Variants in NRDC observed in about 807,000 individuals in gnomAD.
NRDC encodes nardilysin convertase, also known as nardilysin.
Under a neutral mutation model 147.1 loss-of-function variants are expected in NRDC, and 54 were observed. That is an observed-to-expected ratio of 0.37 (90% CI 0.29 to 0.46). The LOEUF (loss-of-function observed/expected upper bound fraction) is 0.46. Ranked by LOEUF, NRDC falls within the 20% of genes least tolerant of loss-of-function variation. The pLI, the probability that NRDC is intolerant of heterozygous loss-of-function variation, is 1.00. For missense variants in NRDC, 1,082 were observed against 1,370.6 expected (o/e 0.79, Z 3.33); for synonymous variants, 440 against 482.1 (o/e 0.91, Z 1.14).
intron 1 of NRDC, among the ~76,000 whole-genome samples, chr1:51,855,706 C>CA (rs1460277854): frequency 6.6e-6 from 1 of 151,828 alleles, no homozygotes; most frequent in Admixed American, 6.6e-5. Context: ...CCTGTCTCTA[C>CA]AAAAAATACA....
At chr1:51,811,907 C>A (rs547307797) in intron 15 of NRDC, 87 bp downstream of exon 15, 2 of 806,430 alleles carry the variant, frequency 2.5e-6, no homozygotes, top group South Asian at 1.9e-5. Context: ...AAGTTTTCTT[C>A]GTTCCCATGG....
chr1:51,825,361 G>A lies in NRDC; in HGVS notation c.962C>T (p.Ser321Phe), dbSNP rs1368175435. 6.3e-7 allele frequency: 1 copy of A among 1,590,800 alleles called. No individual in the cohort carries two copies. The highest frequency in any genetic ancestry group is 1.2e-5 in the South Asian group (1 of 86,640). The change falls in exon 6 of 31, where the codon TCT (serine) becomes TTT (phenylalanine). Residue 321 changes from serine to phenylalanine, a missense_variant. Ser to Phe is a radical substitution (Grantham distance 155). Transcript: ENST00000352171. The part of the protein sequence containing the change: ...VDSEYQLARP[S>F]DANRKEMLFG... ...CAACATTTCCTTTCTGTTTGCATCAGAAGGCCTTGCAAGTTGATATTCTGT... is the reference window on the plus strand; with the variant it reads ...CAACATTTCCTTTCTGTTTGCATCAAAAGGCCTTGCAAGTTGATATTCTGT...
At chr1:51,820,393 C>T (rs1353639782) in intron 8 of NRDC, among the ~76,000 whole-genome samples, 2 of 151,952 alleles carry the variant, frequency 1.3e-5, no homozygotes, top group African/African-American at 4.8e-5. Flanking sequence ...GTATTAAATG[C>T]CTCAAAGAAT....
chr1:51,874,868 C>T (rs1011367146), intron 1 of NRDC, among the ~76,000 whole-genome samples: 11 of 152,122 alleles, frequency 7.2e-5, no homozygotes, highest in South Asian at 2.1e-4. Context: ...AGTAAAATTC[C>T]GCAGGCTATT....
chr1:51,873,152 G>A (rs114337846), intron 1 of NRDC, among the ~76,000 whole-genome samples: 4,378 of 151,968 alleles, frequency 0.029, 98 homozygotes, highest in South Asian at 0.1. Flanking sequence ...ATAAACCTAT[G>A]TTCTTCCCAT....
chr1:51,846,004 C>T (rs923723792), intron 1 of NRDC, among the ~76,000 whole-genome samples: 2 of 151,732 alleles, frequency 1.3e-5, no homozygotes, highest in Admixed American at 6.6e-5. Flanking sequence ...CCATTAAATG[C>T]ATATAAAGTT....
At chr1:51,803,687 C>T (rs775935709) in intron 20 of NRDC, 127 bp downstream of exon 20, 132 of 693,364 alleles carry the variant, frequency 1.9e-4, no homozygotes, top group Middle Eastern at 1.2e-3. Context: ...TGTCATCAGC[C>T]AAGAATATTC....
At chr1:51,793,551 CAA>C (rs1237969715) in intron 24 of NRDC, among the ~76,000 whole-genome samples, 4 of 152,308 alleles carry the variant, frequency 2.6e-5, no homozygotes, top group Middle Eastern at 3.4e-3. Flanking sequence ...ACTTCACTAA[CAA>C]GAGATGACCG....
intron 1 of NRDC, among the ~76,000 whole-genome samples, chr1:51,863,208 C>T (rs1471210054): frequency 6.6e-6 from 1 of 151,904 alleles, no homozygotes; most frequent in Non-Finnish European, 1.5e-5. Flanking sequence ...TCAAGACCAG[C>T]CTAGACAACA....
chr1:51,799,714 A>G (rs1679098311), intron 21 of NRDC, among the ~76,000 whole-genome samples: 1 of 152,206 alleles, frequency 6.6e-6, no homozygotes, highest in African/African-American at 2.4e-5. Context: ...GATTCACGCA[A>G]AAGTATCCTA....
At chr1:51,877,293 G>A (rs984512856) in intron 1 of NRDC, among the ~76,000 whole-genome samples, 8 of 152,166 alleles carry the variant, frequency 5.3e-5, no homozygotes, top group African/African-American at 1.9e-4. Flanking sequence ...AGAGCAAGAA[G>A]CAAACTCTTT....
chr1:51,840,284 T>A lies in NRDC; in HGVS notation c.572A>T (p.Asn191Ile), dbSNP rs921058082. 1 of 1,604,642 alleles carries A rather than the reference T, an allele frequency of 6.2e-7. No individual in the cohort carries two copies. Among genetic ancestry groups the A allele is most frequent in the African/African-American group, 1.3e-5 (1 of 74,848 alleles). Residue 191 changes from asparagine to isoleucine, a missense_variant, in exon 2 of 31, where the codon AAT (asparagine) becomes ATT (isoleucine). Transcript: ENST00000352171. ...EHDDDLDTED[N>I]ELEELEERAE... The stretch of plus-strand genomic sequence containing the variant: ...TCTCTCTTCTAATTCTTCCAATTCA[T>A]TATCCTCAGTATCAAGATCATCATC...
chr1:51,871,150 C>G (rs1184681187), intron 1 of NRDC, among the ~76,000 whole-genome samples: 1 of 152,082 alleles, frequency 6.6e-6, no homozygotes, highest in Non-Finnish European at 1.5e-5. Flanking sequence ...AATCCCCTCT[C>G]TACTAAAAAT....
chr1:51,807,732 G>A (rs184399996), intron 17 of NRDC, among the ~76,000 whole-genome samples: 1 of 151,830 alleles, frequency 6.6e-6, no homozygotes, highest in Non-Finnish European at 1.5e-5. Flanking sequence ...TAAGCTAACT[G>A]GGTTGTTTAG....
At position 51,789,245 on chromosome 1, in the gene NRDC, TATTTTATGGTAGGGGAGA is replaced by T; in HGVS notation, c.3429_3446del (p.Leu1144_Ile1149del). The stretch of plus-strand genomic sequence containing the variant: ...CGTGACTGCAGTTTATTTATTTGAC[TATTTTATGGTAGGGGAGA>T]AGGTTGAGTGTTGTTGTGAAAGCCC... On this transcript the variant is annotated inframe_deletion, in exon 31 of 31. Coordinates refer to ENST00000352171, the MANE Select transcript of NRDC (RefSeq NM_001101662.2). The T allele has an allele frequency of 1.9e-6, 3 of 1,613,974 alleles. No individual in the cohort carries two copies. The highest frequency in any genetic ancestry group is 2.5e-6 in the Non-Finnish European group (3 of 1,179,832).
intron 4 of NRDC, among the ~76,000 whole-genome samples, chr1:51,829,880 T>C (rs1429893401): frequency 6.6e-6 from 1 of 152,100 alleles, no homozygotes; most frequent in Non-Finnish European, 1.5e-5. Context: ...CAGTTCAAGA[T>C]GTATCTTTTC....
At chr1:51,841,737 C>G (rs759478336) in intron 1 of NRDC, among the ~76,000 whole-genome samples, 6 of 152,192 alleles carry the variant, frequency 3.9e-5, no homozygotes, top group Middle Eastern at 3.4e-3. Context: ...CATTCACTGT[C>G]TAATAATGAG....
Position 51,794,730 on chromosome 1 carries a change from A to G in NRDC, c.2636+93T>C, listed in dbSNP as rs940474576. The G allele has an allele frequency of 7.6e-6, 12 of 1,586,434 alleles. No individual in the cohort carries two copies. In the African/African-American group the frequency reaches 1.2e-4, roughly 16 times the overall value. On this transcript the variant is annotated intron_variant, in intron 23 of 30. Transcript: ENST00000352171. ...AAAATCTACTACAAGTAGTATTTCA[A>G]TTGGGTGTTTAGTAACAATTAACTG... is the stretch of plus-strand genomic sequence containing the variant.
intron 1 of NRDC, among the ~76,000 whole-genome samples, chr1:51,863,013 G>GAAAAAA (rs562410956): frequency 7.5e-4 from 24 of 32,016 alleles, no homozygotes; most frequent in East Asian, 1.1e-3. Context: ...CTGTGTGGAG[G>GAAAAAA]AAAAAAAAAA....
Sources: allele counts gnomAD v4.1 joint callset (sites outside exome capture counted in the v4.1 genomes callset), GRCh38; gene constraint gnomAD v4.1.1; transcripts MANE v1.5; gene names NCBI Gene and HGNC (gene_info 2026-07-23, HGNC 2026-07-21).